DDAH1: variants seen among roughly 807,000 people sequenced by gnomAD.
The protein encoded by DDAH1 is N(G),N(G)-dimethylarginine dimethylaminohydrolase 1.
DDAH1 carries 19 observed loss-of-function variants against 28.8 expected under a neutral mutation model. That is an observed-to-expected ratio of 0.66 (90% CI 0.46 to 0.97). The LOEUF is 0.97. DDAH1 is among the 50% of genes least tolerant of loss of function. The pLI, the probability that DDAH1 is intolerant of heterozygous loss-of-function variation, is 0.00. For synonymous variants in DDAH1, 153 were observed against 154.4 expected (o/e 0.99, Z 0.07); for missense variants, 326 against 375.9 (o/e 0.87, Z 1.10).
At chr1:85,402,442 T>C (rs1259715366) in intron 1 of DDAH1, among the ~76,000 whole-genome samples, 1 of 152,160 alleles carries the variant, frequency 6.6e-6, no homozygotes, top group African/African-American at 2.4e-5. Context: ...AGACAAAATA[T>C]TTTCAAAAAT....
At chr1:85,355,818 G>A (rs1320153383) in intron 2 of DDAH1, among the ~76,000 whole-genome samples, 1 of 152,084 alleles carries the variant, frequency 6.6e-6, no homozygotes, top group African/African-American at 2.4e-5. Flanking sequence ...ACACAACATT[G>A]AAAATGAACT....
At chr1:85,475,667 C>T (rs561561943) in intron 2 of DDAH1, among the ~76,000 whole-genome samples, 13 of 152,228 alleles carry the variant, frequency 8.5e-5, no homozygotes, top group African/African-American at 2.4e-4. Flanking sequence ...TTTTTCTTGC[C>T]AGCACCATTA....
At chr1:85,428,455 G>A (rs1653515494) in intron 1 of DDAH1, among the ~76,000 whole-genome samples, 1 of 152,066 alleles carries the variant, frequency 6.6e-6, no homozygotes, top group Non-Finnish European at 1.5e-5. Flanking sequence ...GAACAGCATG[G>A]GAAAGATTCG....
At chr1:85,335,529 T>A (rs1285395776) in intron 4 of DDAH1, among the ~76,000 whole-genome samples, 1 of 151,746 alleles carries the variant, frequency 6.6e-6, no homozygotes, top group East Asian at 1.9e-4. Flanking sequence ...TTATATCAGA[T>A]AAAACAGATT....
intron 1 of DDAH1, among the ~76,000 whole-genome samples, chr1:85,499,536 G>A (rs540898854): frequency 1.9e-4 from 29 of 152,238 alleles, no homozygotes; most frequent in Admixed American, 3.3e-4. Flanking sequence ...TTAGCTGGGT[G>A]TGGTGGCACA....
At position 85,324,696 on chromosome 1, in the gene DDAH1, G is replaced by A; in HGVS notation, c.741+44C>T. 4 of 1,608,910 alleles carry A rather than the reference G, an allele frequency of 2.5e-6. No homozygotes were observed. In the South Asian group the frequency reaches 4.4e-5, roughly 18 times the overall value. On this transcript the variant is annotated intron_variant, in intron 5 of 5. Coordinates refer to ENST00000284031, the MANE Select transcript of DDAH1 (RefSeq NM_012137.4). Reference sequence around the variant, plus strand: ...CACTCCTTTATGAAAAAATCCCCAGGGAGGCTGACCCAGCTGCAGTGGTCA... The same window carrying A: ...CACTCCTTTATGAAAAAATCCCCAGAGAGGCTGACCCAGCTGCAGTGGTCA...
chr1:85,403,782 A>G (rs1652269340), intron 1 of DDAH1, among the ~76,000 whole-genome samples: 1 of 152,222 alleles, frequency 6.6e-6, no homozygotes, highest in Non-Finnish European at 1.5e-5. Context: ...TTTATTTTGG[A>G]CCATTAATCT....
chr1:85,423,929 G>A (rs1046963853), intron 1 of DDAH1, among the ~76,000 whole-genome samples: 1 of 152,080 alleles, frequency 6.6e-6, no homozygotes, highest in Non-Finnish European at 1.5e-5. Flanking sequence ...TATCATGAAC[G>A]GGTGTTAGAT....
intron 1 of DDAH1, among the ~76,000 whole-genome samples, chr1:85,439,974 C>T (rs1654118734): frequency 6.6e-6 from 1 of 152,276 alleles, no homozygotes; most frequent in Middle Eastern, 3.4e-3. Context: ...CATAGTTCTA[C>T]ATAAAGAAGT....
chr1:85,527,663 A>C (rs1197294123), intron 1 of DDAH1, among the ~76,000 whole-genome samples: 1 of 152,206 alleles, frequency 6.6e-6, no homozygotes, highest in African/African-American at 2.4e-5. Flanking sequence ...GTACTATATA[A>C]GTAGGTTATA....
At chr1:85,422,139 T>C (rs1375968394) in intron 1 of DDAH1, among the ~76,000 whole-genome samples, 1 of 152,200 alleles carries the variant, frequency 6.6e-6, no homozygotes, top group East Asian at 1.9e-4. Context: ...TCATTTTAAT[T>C]TGCAACTCCT....
At chr1:85,550,347 T>C (rs1658749819) in intron 1 of DDAH1, among the ~76,000 whole-genome samples, 1 of 152,144 alleles carries the variant, frequency 6.6e-6, no homozygotes, top group South Asian at 2.1e-4. Context: ...GAGGTTCTGG[T>C]CAATGGAGCA....
At chr1:85,563,426 C>G (rs1411883828) in intron 1 of DDAH1, among the ~76,000 whole-genome samples, 1 of 152,170 alleles carries the variant, frequency 6.6e-6, no homozygotes, top group Non-Finnish European at 1.5e-5. Flanking sequence ...TATGGGGCAG[C>G]AAGTGGGATA....
intron 1 of DDAH1, among the ~76,000 whole-genome samples, chr1:85,566,094 A>C (rs1187583056): frequency 6.8e-6 from 1 of 146,174 alleles, no homozygotes; most frequent in Admixed American, 6.9e-5. Context: ...AAAAAAAAAC[A>C]ACCAAAAAAC....
rs569040999 is a variant in DDAH1 at position 85,325,367 on chromosome 1, G to GCA, written c.598-486_598-485dup. On this transcript the variant is annotated intron_variant, in intron 4 of 5. Coordinates refer to ENST00000284031, the MANE Select transcript of DDAH1 (RefSeq NM_012137.4). ...CATGCACGTGCGTGCGCGCGCGCGC[G>GCA]CACACACACACGCTTTGCTCTTCCA... Among the ~76,000 whole-genome samples, 203 of 143,912 alleles carry GCA rather than the reference G, an allele frequency of 1.4e-3. 2 individuals are homozygous for GCA. Among genetic ancestry groups the GCA allele is most frequent in the South Asian group, 9.9e-3 (44 of 4,428 alleles). 94.4% of individuals were successfully genotyped at this position (143,912 alleles called of 152,430 possible).
intron 1 of DDAH1, among the ~76,000 whole-genome samples, chr1:85,452,284 G>A (rs1654697404): frequency 6.6e-6 from 1 of 151,982 alleles, no homozygotes; most frequent in Non-Finnish European, 1.5e-5. Flanking sequence ...GTATTTTTTG[G>A]TCTCCTAGAT....
At chr1:85,528,910 G>A (rs1196146212) in intron 1 of DDAH1, among the ~76,000 whole-genome samples, 3 of 150,606 alleles carry the variant, frequency 2.0e-5, no homozygotes, top group Non-Finnish European at 4.4e-5. Flanking sequence ...GGAGAGGGAG[G>A]TTGCAGTGAG....
At chr1:85,522,695 T>C (rs2100764311) in intron 1 of DDAH1, among the ~76,000 whole-genome samples, 1 of 152,226 alleles carries the variant, frequency 6.6e-6, no homozygotes, top group Non-Finnish European at 1.5e-5. Flanking sequence ...ATTTTTATGG[T>C]CTTATATTGG....
At chr1:85,457,789 G>C (rs36104818) in intron 1 of DDAH1, among the ~76,000 whole-genome samples, 1 of 152,022 alleles carries the variant, frequency 6.6e-6, no homozygotes, top group African/African-American at 2.4e-5. Flanking sequence ...TTCTCGTTTC[G>C]AGTGAGTGTC....
Sources: gnomAD v4.1 joint callset for allele counts (sites outside exome capture counted in the v4.1 genomes callset) on GRCh38, gnomAD v4.1.1 for gene constraint, MANE v1.5 for transcripts, NCBI Gene and HGNC (gene_info 2026-07-23, HGNC 2026-07-21) for gene names.